SAMD3: variants seen among roughly 807,000 people sequenced by gnomAD.
SAMD3 encodes sterile alpha motif domain-containing protein 3.
A neutral mutation model predicts 58.5 loss-of-function variants in SAMD3; 63 were observed. The ratio of observed to expected loss-of-function variants is 1.08; its 90% CI spans 0.88 to 1.33. SAMD3 has a LOEUF of 1.33. Ranked by LOEUF, SAMD3 falls within the 40% of genes most tolerant of loss-of-function variation. The pLI, the probability that SAMD3 is intolerant of heterozygous loss-of-function variation, is 0.00. For missense variants in SAMD3, 604 were observed against 608.4 expected (o/e 0.99, Z 0.08); for synonymous variants, 220 against 210.3 (o/e 1.05, Z -0.40).
intron 2 of SAMD3, among the ~76,000 whole-genome samples, chr6:130,250,502 A>T (rs2114908506): frequency 6.6e-6 from 1 of 152,272 alleles, no homozygotes; most frequent in Admixed American, 6.5e-5. Flanking sequence ...ATTTCCAGAG[A>T]TGTGCAACTA....
At chr6:130,306,554 G>A (rs1344827516) in intron 2 of SAMD3, among the ~76,000 whole-genome samples, 1 of 145,778 alleles carries the variant, frequency 6.9e-6, no homozygotes, top group Non-Finnish European at 1.5e-5. Context: ...TGGTTGAACC[G>A]ACAGAAATTA....
chr6:130,167,245 C>T (rs924368025), intron 8 of SAMD3, among the ~76,000 whole-genome samples: 4 of 152,058 alleles, frequency 2.6e-5, no homozygotes, highest in African/African-American at 9.7e-5. Context: ...AATGACAGAA[C>T]ACATTCTGGA....
intron 1 of SAMD3, among the ~76,000 whole-genome samples, chr6:130,364,431 G>C (rs887217496): frequency 1.3e-5 from 2 of 152,112 alleles, no homozygotes; most frequent in South Asian, 2.1e-4. Flanking sequence ...ATAGTGAGGG[G>C]AACCAGGAGG....
chr6:130,181,108 G>A (rs7756975), intron 7 of SAMD3, among the ~76,000 whole-genome samples: 129,461 of 151,706 alleles, frequency 0.85, 55,514 homozygotes, highest in East Asian at 0.98. Flanking sequence ...CACCATGCCC[G>A]GCTAATTTTT....
chr6:130,298,687 G>C (rs574704772), intron 2 of SAMD3, among the ~76,000 whole-genome samples: 11 of 152,084 alleles, frequency 7.2e-5, no homozygotes, highest in Non-Finnish European at 1.2e-4. Context: ...ACACAGAGTG[G>C]CACATTGGGC....
chr6:130,197,457 T>A lies in SAMD3; in HGVS notation c.383+12038A>T, dbSNP rs193253468. 3.9e-4 allele frequency among the ~76,000 whole-genome samples: 59 copies of A among 152,368 alleles called. No homozygotes were observed. In the East Asian group the frequency reaches 0.011, roughly 28 times the overall value. On this transcript the variant is annotated intron_variant, in intron 5 of 11. Transcript: ENST00000439090. ...GCTGGTAGGACTATGCTGAATCTCC[T>A]TAGGCACTCTCTAATCAGATGTCCT...
chr6:130,193,012 C>T (rs1417372084), intron 5 of SAMD3, among the ~76,000 whole-genome samples: 3 of 152,130 alleles, frequency 2.0e-5, no homozygotes, highest in Admixed American at 1.3e-4. Flanking sequence ...ACGTTTCATC[C>T]GTGGACCCAA....
Position 130,214,518 on chromosome 6 carries a change from C to T in SAMD3, c.88G>A (p.Val30Ile). The T allele has an allele frequency of 6.3e-7, 1 of 1,580,526 alleles. No individual in the cohort carries two copies. The highest frequency in any genetic ancestry group is 8.6e-7 in the Non-Finnish European group (1 of 1,166,616). ...ELVHRFQEEE[V>I]SGAALLALND... The stretch of plus-strand genomic sequence containing the variant: ...AGTGCAAGAAGAGCGGCCCCACTTA[C>T]TTCTTCCTCTGGGAAAAAGAAAAAA... The change falls in exon 4 of 12, where the codon GTA becomes ATA. Residue 30 changes from valine (V) to isoleucine (I), a missense_variant. Physicochemically the swap from Val to Ile is conservative, Grantham distance 29. Coordinates refer to ENST00000439090, the MANE Select transcript of SAMD3 (RefSeq NM_001017373.4).
chr6:130,234,628 G>A (rs775072265), intron 2 of SAMD3, among the ~76,000 whole-genome samples: 5 of 152,116 alleles, frequency 3.3e-5, no homozygotes, highest in African/African-American at 7.2e-5. Flanking sequence ...TTGAACCAAC[G>A]TGTAAGATGA....
At chr6:130,196,426 A>G (rs1029895710) in intron 5 of SAMD3, among the ~76,000 whole-genome samples, 3 of 152,054 alleles carry the variant, frequency 2.0e-5, no homozygotes, top group African/African-American at 7.3e-5. Context: ...TCATGACTGT[A>G]TCTCTCTGAT....
intron 1 of SAMD3, among the ~76,000 whole-genome samples, chr6:130,323,005 CAAGGACTATCATGCA>C (rs1379139618): frequency 6.6e-6 from 1 of 152,062 alleles, no homozygotes; most frequent in East Asian, 1.9e-4. Context: ...GAAAGTCAGA[CAAGGACTATCATGCA>C]AAGGCCATTG....
chr6:130,147,666 C>G (rs1463961617), intron 9 of SAMD3, among the ~76,000 whole-genome samples: 1 of 152,168 alleles, frequency 6.6e-6, no homozygotes, highest in Non-Finnish European at 1.5e-5. Context: ...AGTACAAGAG[C>G]ACCCAAATTC....
chr6:130,317,804 G>C (rs1776435611), intron 1 of SAMD3, among the ~76,000 whole-genome samples: 1 of 152,198 alleles, frequency 6.6e-6, no homozygotes, highest in African/African-American at 2.4e-5. Context: ...TGAGAAATAA[G>C]CAAGGTAAGC....
chr6:130,352,840 T>G lies in SAMD3; in HGVS notation c.-304+12280A>C, dbSNP rs550108407. On this transcript the variant is annotated intron_variant, in intron 1 of 13. Transcript: ENST00000368134. ...TCTGAAATTCTCAGAGCTCTTATATTAATGAGCTTTAGCTAAAAGGATCAT... is the reference window on the plus strand; with the variant it reads ...TCTGAAATTCTCAGAGCTCTTATATGAATGAGCTTTAGCTAAAAGGATCAT... Among the ~76,000 whole-genome samples, 3 of 152,330 alleles carry G rather than the reference T, an allele frequency of 2.0e-5. No homozygotes were observed. In the East Asian group the frequency reaches 5.8e-4, roughly 29 times the overall value.
At chr6:130,338,752 A>G (rs1777176912) in intron 1 of SAMD3, among the ~76,000 whole-genome samples, 1 of 152,204 alleles carries the variant, frequency 6.6e-6, no homozygotes, top group South Asian at 2.1e-4. Context: ...ATTTTGGGCA[A>G]TTTATCCCAT....
chr6:130,348,969 T>G (rs1455302802), intron 1 of SAMD3, among the ~76,000 whole-genome samples: 110 of 152,194 alleles, frequency 7.2e-4, no homozygotes, highest in African/African-American at 2.3e-3. Flanking sequence ...AACCTGCTCC[T>G]GAATGACTAC....
chr6:130,192,979 T>C (rs1452593114), intron 5 of SAMD3, among the ~76,000 whole-genome samples: 2 of 152,148 alleles, frequency 1.3e-5, no homozygotes, highest in Non-Finnish European at 2.9e-5. Context: ...TTCCTTTCAT[T>C]TTCTGGTAGA....
At chr6:130,286,514 A>G (rs1775159628) in intron 2 of SAMD3, among the ~76,000 whole-genome samples, 1 of 152,142 alleles carries the variant, frequency 6.6e-6, no homozygotes, top group South Asian at 2.1e-4. Flanking sequence ...ACATATGATC[A>G]TCTAGTTTTT....
chr6:130,218,685 G>C (rs1796102296), intron 1 of SAMD3, among the ~76,000 whole-genome samples: 1 of 152,136 alleles, frequency 6.6e-6, no homozygotes, highest in Admixed American at 6.5e-5. Flanking sequence ...GCACTCTGGG[G>C]CTGGATTTTC....
Sources: gnomAD v4.1 joint callset for allele counts (sites outside exome capture counted in the v4.1 genomes callset) on GRCh38, gnomAD v4.1.1 for gene constraint, MANE v1.5 for transcripts, NCBI Gene and HGNC (gene_info 2026-07-23, HGNC 2026-07-21) for gene names.